AHI1: variants seen among roughly 807,000 people sequenced by gnomAD.
AHI1 encodes the protein jouberin.
Under a neutral mutation model 149.3 loss-of-function variants are expected in AHI1, and 123 were observed. The ratio of observed to expected loss-of-function variants is 0.82; its 90% confidence interval spans 0.71 to 0.96. AHI1 has a LOEUF of 0.96. AHI1 is among the 40% of genes least tolerant of loss of function. The pLI, the probability that AHI1 is intolerant of heterozygous loss-of-function variation, is 0.00. For missense variants in AHI1, 1,439 were observed against 1,422.7 expected (o/e 1.01, Z -0.18); for synonymous variants, 475 against 459.8 (o/e 1.03, Z -0.42).
At chr6:135,313,396 G>A (rs1785486386) in intron 26 of AHI1, among the ~76,000 whole-genome samples, 1 of 152,152 alleles carries the variant, frequency 6.6e-6, no homozygotes, top group African/African-American at 2.4e-5. Context: ...TCCTCCATGA[G>A]AACATTCCTA....
intron 11 of AHI1, among the ~76,000 whole-genome samples, chr6:135,452,828 G>A (rs1788339133): frequency 6.6e-6 from 1 of 151,960 alleles, no homozygotes; most frequent in African/African-American, 2.4e-5. Flanking sequence ...CTCTACCATA[G>A]ACCATTTCTT....
At chr6:135,402,966 T>C (rs1030643406) in intron 22 of AHI1, among the ~76,000 whole-genome samples, 3 of 152,200 alleles carry the variant, frequency 2.0e-5, no homozygotes, top group African/African-American at 7.2e-5. Flanking sequence ...ATCCCTGTGT[T>C]GTTCACTGAT....
In AHI1 at chr6:135,285,349, C is replaced by G; in HGVS notation, c.*296G>C. ...TGAGTAGCAATTACAGTGTTTTCTT[C>G]ATTAGTTTTCCAACACTGGTAATGT... On this transcript the variant is annotated 3_prime_UTR_variant, in exon 29 of 29. Transcript: ENST00000265602. The G allele has an allele frequency of 2.1e-6, 1 of 474,324 alleles. No individual in the cohort carries two copies. Among genetic ancestry groups the G allele is most frequent in the Non-Finnish European group, 3.8e-6 (1 of 264,254 alleles). The allele number at this position is 474,324 out of a possible 1,614,324, so 29.4% of individuals were successfully genotyped here. A position where few individuals can be genotyped will look rare whatever the true frequency, so the allele number is the denominator to read the frequency against.
intron 27 of AHI1, among the ~76,000 whole-genome samples, chr6:135,297,216 A>G (rs1364658852): frequency 6.6e-6 from 1 of 151,890 alleles, no homozygotes; most frequent in African/African-American, 2.4e-5. Flanking sequence ...TCCAATCATC[A>G]GATGCCCTCA....
rs528580917 is a variant in AHI1, at chr6:135,294,095, C to T, written c.3486-3570G>A. 3.5e-4 allele frequency among the ~76,000 whole-genome samples: 54 copies of T among 152,184 alleles called. No homozygotes were observed. The South Asian group carries it at 8.5e-3, about 24-fold the overall frequency. ...ATCCCAGCACTTGGGGAGGCTGAGGCGGGTGGATCACTTGAGGCCAGGAGT... is the reference window on the plus strand; with the variant it reads ...ATCCCAGCACTTGGGGAGGCTGAGGTGGGTGGATCACTTGAGGCCAGGAGT... On this transcript the variant is annotated intron_variant, in intron 27 of 28. Coordinates refer to ENST00000265602, the MANE Select transcript of AHI1 (RefSeq NM_001134831.2).
chr6:135,416,912 G>T (rs1248068547), intron 20 of AHI1, among the ~76,000 whole-genome samples: 1 of 152,062 alleles, frequency 6.6e-6, no homozygotes, highest in Non-Finnish European at 1.5e-5. Context: ...TTTTTAAACA[G>T]AAGTGTAGCC....
intron 5 of AHI1, among the ~76,000 whole-genome samples, chr6:135,483,479 A>C (rs531553883): frequency 6.6e-6 from 1 of 152,330 alleles, no homozygotes; most frequent in East Asian, 1.9e-4. Context: ...AAATAAAGTG[A>C]GAGAGGATAA....
chr6:135,476,577 A>T (rs1414445929), intron 5 of AHI1, among the ~76,000 whole-genome samples: 1 of 152,210 alleles, frequency 6.6e-6, no homozygotes, highest in East Asian at 1.9e-4. Flanking sequence ...GAGGATACTA[A>T]CATATCTAAC....
intron 11 of AHI1, among the ~76,000 whole-genome samples, chr6:135,448,786 A>G (rs563657535): frequency 6.6e-6 from 1 of 152,340 alleles, no homozygotes; most frequent in Admixed American, 6.5e-5. Context: ...GAAGTGATCA[A>G]TACACATGTT....
intron 20 of AHI1, among the ~76,000 whole-genome samples, chr6:135,414,136 C>G (rs1264947434): frequency 1.3e-5 from 2 of 152,046 alleles, no homozygotes; most frequent in East Asian, 1.9e-4. Context: ...ATAAACAGAT[C>G]AACAGAATAG....
At chr6:135,440,552 C>T (rs568126063) in intron 14 of AHI1, among the ~76,000 whole-genome samples, 22 of 152,194 alleles carry the variant, frequency 1.4e-4, no homozygotes, top group East Asian at 9.7e-4. Flanking sequence ...CTCGGGCTGA[C>T]GTGAGGAGGC....
intron 14 of AHI1, 91 bp downstream of exon 14, chr6:135,442,491 C>G: frequency 7.3e-7 from 1 of 1,369,786 alleles, no homozygotes; most frequent in South Asian, 1.7e-5. Context: ...CAGGGGATTA[C>G]TCAAGTTAAG....
intron 23 of AHI1, among the ~76,000 whole-genome samples, chr6:135,362,268 C>T (rs1794015577): frequency 6.6e-6 from 1 of 152,116 alleles, no homozygotes; most frequent in South Asian, 2.1e-4. Flanking sequence ...GTGCAAGTAT[C>T]TTTTTTGTAC....
chr6:135,354,940 T>C (rs1792727357), intron 24 of AHI1, among the ~76,000 whole-genome samples: 1 of 152,168 alleles, frequency 6.6e-6, no homozygotes, highest in Non-Finnish European at 1.5e-5. Flanking sequence ...ATAGGTTCCT[T>C]ACACAAGAGA....
chr6:135,300,551 A>C lies in AHI1; in HGVS notation c.3434T>G (p.Ile1145Ser). The C allele has an allele frequency of 6.2e-7, 1 of 1,606,768 alleles. No individual in the cohort carries two copies. Among genetic ancestry groups the C allele is most frequent in the Non-Finnish European group, 8.5e-7 (1 of 1,176,424 alleles). ...EKSPAPQKQS[I>S]NKNKSQDFRL... ...GAAGTCCTGGGACTTGTTCTTATTG[A>C]TTGATTGCTGTGGAAGAAGAGGAAA... Residue 1145 changes from isoleucine (I) to serine (S), a missense_variant, in exon 27 of 29, where the codon ATC (isoleucine) becomes AGC (serine). Coordinates refer to ENST00000265602, the MANE Select transcript of AHI1 (RefSeq NM_001134831.2).
chr6:135,462,240 C>G (rs1226954362), intron 8 of AHI1, among the ~76,000 whole-genome samples: 1 of 151,658 alleles, frequency 6.6e-6, no homozygotes, highest in Non-Finnish European at 1.5e-5. Flanking sequence ...CATTTTAATC[C>G]CAATTTTTGG....
intron 15 of AHI1, among the ~76,000 whole-genome samples, chr6:135,433,834 T>A (rs372446324): frequency 6.6e-6 from 1 of 152,040 alleles, no homozygotes; most frequent in East Asian, 1.9e-4. Context: ...GACATTTTGA[T>A]AGAAAAGACT....
intron 24 of AHI1, among the ~76,000 whole-genome samples, chr6:135,341,370 T>A (rs542757247): frequency 6.6e-6 from 1 of 152,100 alleles, no homozygotes; most frequent in South Asian, 2.1e-4. Flanking sequence ...AAGGACATTG[T>A]ATAATAATAA....
chr6:135,447,305 A>G, intron 12 of AHI1, 145 bp from the exon 13 acceptor site: 2 of 580,854 alleles, frequency 3.4e-6, no homozygotes, highest in Non-Finnish European at 5.2e-6. Flanking sequence ...TTATTTGTAC[A>G]TTATTCTAAA....
Sources: gnomAD v4.1 joint callset for allele counts (sites outside exome capture counted in the v4.1 genomes callset) on GRCh38, gnomAD v4.1.1 for gene constraint, MANE v1.5 for transcripts, NCBI Gene and HGNC (gene_info 2026-07-23, HGNC 2026-07-21) for gene names.